Variants in ADGRA3 observed in about 807,000 individuals in gnomAD.
The protein encoded by ADGRA3 is adhesion G protein-coupled receptor A3.
A neutral mutation model predicts 119.8 loss-of-function variants in ADGRA3; 56 were observed. The observed-to-expected ratio is 0.47, with a 90% confidence interval of 0.38 to 0.58. The LOEUF is 0.58. ADGRA3 is among the 20% of genes least tolerant of loss of function. The pLI is 0.00. For missense variants in ADGRA3, 1,516 were observed against 1,649.0 expected, an observed-to-expected ratio of 0.92 and a Z score of 1.40; for synonymous variants, 607 against 623.8, an observed-to-expected ratio of 0.97 and a Z score of 0.40.
chr4:22,392,016 T>C (rs1160698712), intron 17 of ADGRA3, among the ~76,000 whole-genome samples: 1 of 152,198 alleles, frequency 6.6e-6, no homozygotes, highest in African/African-American at 2.4e-5. Context: ...GAGTCTTCTG[T>C]AAATCCCTGG....
At chr4:22,431,116 T>G (rs1472330376) in intron 10 of ADGRA3, among the ~76,000 whole-genome samples, 1 of 152,070 alleles carries the variant, frequency 6.6e-6, no homozygotes, top group Non-Finnish European at 1.5e-5. Flanking sequence ...ATGGAGAACC[T>G]CAGCTAGGGG....
chr4:22,411,765 T>A (rs1031820934), intron 14 of ADGRA3, among the ~76,000 whole-genome samples: 15 of 152,146 alleles, frequency 9.9e-5, no homozygotes, highest in African/African-American at 3.6e-4. Flanking sequence ...AGGTCCTTTA[T>A]ATATACAAAT....
At chr4:22,426,950 T>C (rs1002712166) in intron 10 of ADGRA3, among the ~76,000 whole-genome samples, 5 of 152,206 alleles carry the variant, frequency 3.3e-5, no homozygotes, top group African/African-American at 1.2e-4. Context: ...AAGAAGGGTA[T>C]TGACTCTTGC....
intron 2 of ADGRA3, among the ~76,000 whole-genome samples, chr4:22,472,252 CA>C (rs2109118989): frequency 6.6e-6 from 1 of 152,262 alleles, no homozygotes; most frequent in South Asian, 2.1e-4. Context: ...GAACAGAAAA[CA>C]TAATAGGAAT....
At chr4:22,450,170 G>A (rs1398200680) in intron 4 of ADGRA3, among the ~76,000 whole-genome samples, 1 of 151,830 alleles carries the variant, frequency 6.6e-6, no homozygotes, top group Non-Finnish European at 1.5e-5. Flanking sequence ...AGAGGGAGTT[G>A]AGAATGACCA....
chr4:22,391,788 A>G (rs1714144117), intron 17 of ADGRA3, among the ~76,000 whole-genome samples: 1 of 152,168 alleles, frequency 6.6e-6, no homozygotes, highest in Admixed American at 6.5e-5. Flanking sequence ...TGCATTCCTC[A>G]AGGTTTCCTC....
chr4:22,474,302 T>TATTTGTA (rs969915027), intron 1 of ADGRA3, among the ~76,000 whole-genome samples: 1 of 152,256 alleles, frequency 6.6e-6, no homozygotes, highest in Non-Finnish European at 1.5e-5. Flanking sequence ...GACTGAATAC[T>TATTTGTA]ATTTGTAATT....
chr4:22,501,744 G>A (rs971041388), intron 1 of ADGRA3, among the ~76,000 whole-genome samples: 1 of 144,688 alleles, frequency 6.9e-6, no homozygotes, highest in Non-Finnish European at 1.5e-5. Context: ...AATGTAAAAA[G>A]TTTTATAATC....
At chr4:22,418,637 T>A (rs1230070049) in intron 12 of ADGRA3, among the ~76,000 whole-genome samples, 2 of 152,030 alleles carry the variant, frequency 1.3e-5, no homozygotes, top group Admixed American at 1.3e-4. Context: ...TACTGAACAG[T>A]CTCTGGAGAG....
At chr4:22,498,254 A>AAC (rs1014032610) in intron 1 of ADGRA3, among the ~76,000 whole-genome samples, 2 of 151,274 alleles carry the variant, frequency 1.3e-5, no homozygotes, top group African/African-American at 2.4e-5. Context: ...TTCACAAACA[A>AAC]AAAATAAATA....
chr4:22,451,315 A>T (rs1717033308), intron 4 of ADGRA3, among the ~76,000 whole-genome samples: 1 of 151,808 alleles, frequency 6.6e-6, no homozygotes, highest in Non-Finnish European at 1.5e-5. Context: ...CTCCTGACAG[A>T]TTTTGGTCTG....
intron 16 of ADGRA3, among the ~76,000 whole-genome samples, chr4:22,401,160 A>T (rs1714620494): frequency 6.6e-6 from 1 of 152,200 alleles, no homozygotes; most frequent in African/African-American, 2.4e-5. Context: ...ACATTTTAAA[A>T]ATAAGTAACA....
At chr4:22,510,805 T>C (rs1205018858) in intron 1 of ADGRA3, among the ~76,000 whole-genome samples, 2 of 151,722 alleles carry the variant, frequency 1.3e-5, no homozygotes, top group Non-Finnish European at 2.9e-5. Flanking sequence ...ATCTCTCCCC[T>C]GTTTGGGCTT....
chr4:22,483,429 A>T (rs141320787), intron 1 of ADGRA3, among the ~76,000 whole-genome samples: 1,541 of 152,334 alleles, frequency 0.01, 12 homozygotes, highest in Middle Eastern at 0.054. Context: ...ACAGATCAGA[A>T]ATATAAATCT....
chr4:22,466,745 C>T (rs1226694093), intron 2 of ADGRA3, among the ~76,000 whole-genome samples: 1 of 151,968 alleles, frequency 6.6e-6, no homozygotes, highest in Admixed American at 6.6e-5. Context: ...CAGCACTCTG[C>T]GCCCTGTCCT....
At chr4:22,444,428 G>A (rs994571066) in intron 6 of ADGRA3, among the ~76,000 whole-genome samples, 5 of 152,086 alleles carry the variant, frequency 3.3e-5, no homozygotes, top group African/African-American at 1.2e-4. Flanking sequence ...TGAAATTACA[G>A]TCACCTGCCA....
chr4:22,479,466 T>TAA lies in ADGRA3; in HGVS notation c.258-5625_258-5624dup, dbSNP rs60684476. On this transcript the variant is annotated intron_variant, in intron 1 of 18. Transcript: ENST00000334304. Reference sequence around the variant, plus strand: ...CGACAGAGCGAGACTCTGTCTCAAATAAAAAAAAAAAAAAAGAAGTCAGGA... The same window carrying TAA: ...CGACAGAGCGAGACTCTGTCTCAAATAAAAAAAAAAAAAAAAAGAAGTCAGGA... 8.1e-3 allele frequency among the ~76,000 whole-genome samples: 910 copies of TAA among 111,760 alleles called. 10 individuals carry two copies. Among genetic ancestry groups the TAA allele is most frequent in the African/African-American group, 0.026 (818 of 31,948 alleles). 73.3% of individuals were successfully genotyped at this position (111,760 alleles called of 152,430 possible). A position where few individuals can be genotyped will look rare whatever the true frequency, so the allele number is the denominator to read the frequency against.
At chr4:22,506,375 A>G (rs1318182775) in intron 1 of ADGRA3, among the ~76,000 whole-genome samples, 1 of 152,142 alleles carries the variant, frequency 6.6e-6, no homozygotes, top group Non-Finnish European at 1.5e-5. Context: ...CAATGTGGAG[A>G]AAACCCATCT....
At chr4:22,505,646 CAA>C (rs199814126) in intron 1 of ADGRA3, among the ~76,000 whole-genome samples, 49 of 122,878 alleles carry the variant, frequency 4.0e-4, no homozygotes, top group Admixed American at 7.7e-4. Context: ...GACTCTGTCT[CAA>C]AAAAAAAAAA....
Sources: allele counts gnomAD v4.1 joint callset (sites outside exome capture counted in the v4.1 genomes callset), GRCh38; gene constraint gnomAD v4.1.1; transcripts MANE v1.5; gene names NCBI Gene and HGNC (gene_info 2026-07-23, HGNC 2026-07-21).